The following RBFOX1 variants were observed in gnomAD, a reference collection of about 807,000 sequenced individuals.
The protein encoded by RBFOX1 is RNA binding protein fox-1 homolog 1.
A neutral mutation model predicts 57.7 loss-of-function variants in RBFOX1; 8 were observed. That is an observed-to-expected ratio of 0.14 (90% CI 0.08 to 0.25). RBFOX1 has a LOEUF of 0.25. RBFOX1 is among the 10% of genes least tolerant of loss of function. RBFOX1 has a pLI of 1.00. For missense variants in RBFOX1, 611 were observed against 548.5 expected (o/e 1.11, Z -1.14); for synonymous variants, 326 against 222.4 (o/e 1.47, Z -4.15).
intron 1 of RBFOX1, among the ~76,000 whole-genome samples, chr16:5,386,342 A>G (rs1434253591): frequency 6.6e-6 from 1 of 151,906 alleles, no homozygotes; most frequent in African/African-American, 2.4e-5. Context: ...TCCTGAGAGC[A>G]TTGCATCTCA....
chr16:5,922,101 C>G (rs1000670852), intron 4 of RBFOX1, among the ~76,000 whole-genome samples: 6 of 152,150 alleles, frequency 3.9e-5, no homozygotes, highest in African/African-American at 1.4e-4. Flanking sequence ...GTCGAGGCTG[C>G]AGTGAGCTCT....
At chr16:6,622,460 G>A (rs1442679540) in intron 2 of RBFOX1, among the ~76,000 whole-genome samples, 1 of 152,114 alleles carries the variant, frequency 6.6e-6, no homozygotes, top group Admixed American at 6.5e-5. Flanking sequence ...AGGAGCAATA[G>A]GCTAGACCAT....
intron 11 of RBFOX1, among the ~76,000 whole-genome samples, chr16:7,642,532 G>A (rs113683380): frequency 0.011 from 1,645 of 152,296 alleles, 9 homozygotes; most frequent in Non-Finnish European, 0.017. Flanking sequence ...CCAGCATAAG[G>A]AAGCTAATTT....
chr16:6,790,564 C>G (rs939072671), intron 3 of RBFOX1, among the ~76,000 whole-genome samples: 8 of 152,254 alleles, frequency 5.3e-5, no homozygotes, highest in African/African-American at 1.7e-4. Flanking sequence ...CTCTATTCCC[C>G]CAAACCATTG....
intron 2 of RBFOX1, among the ~76,000 whole-genome samples, chr16:6,545,694 G>C (rs1264584651): frequency 6.6e-6 from 1 of 152,326 alleles, no homozygotes; most frequent in South Asian, 2.1e-4. Flanking sequence ...CATGTTAGTG[G>C]CATTGCTGAA....
chr16:6,036,683 A>G (rs1382077713), intron 1 of RBFOX1, among the ~76,000 whole-genome samples: 1 of 152,178 alleles, frequency 6.6e-6, no homozygotes, highest in Non-Finnish European at 1.5e-5. Context: ...AGAGATAGGG[A>G]CAAATACAAC....
chr16:6,291,620 A>C lies in RBFOX1; in HGVS notation c.-126-25375A>C, dbSNP rs559738461. On this transcript the variant is annotated intron_variant, in intron 1 of 15. Transcript: ENST00000550418. The stretch of plus-strand genomic sequence containing the variant: ...CCCTCACCTCTTGCCCGCCTGAGGC[A>C]AATGCATATCCAATGGCATCCTTTG... Among the ~76,000 whole-genome samples the C allele has an allele frequency of 8.0e-4, 122 of 152,340 alleles. 1 individual carries two copies. The highest frequency in any genetic ancestry group is 3.4e-3 in the Middle Eastern group (1 of 294).
chr16:6,073,398 T>C (rs2095859626), intron 1 of RBFOX1, among the ~76,000 whole-genome samples: 1 of 152,210 alleles, frequency 6.6e-6, no homozygotes, highest in Non-Finnish European at 1.5e-5. Context: ...TACTTCTATC[T>C]CTTAACTTTG....
intron 1 of RBFOX1, among the ~76,000 whole-genome samples, chr16:6,257,670 C>T (rs373597142): frequency 5.3e-5 from 8 of 152,192 alleles, no homozygotes; most frequent in East Asian, 3.9e-4. Flanking sequence ...TGAGACCATG[C>T]GGTATTTGGT....
At chr16:5,352,402 G>T (rs1326794785) in intron 1 of RBFOX1, among the ~76,000 whole-genome samples, 2 of 152,162 alleles carry the variant, frequency 1.3e-5, no homozygotes, top group Admixed American at 6.5e-5. Flanking sequence ...CTGCAGAAAA[G>T]TTGCGGACAT....
intron 1 of RBFOX1, among the ~76,000 whole-genome samples, chr16:5,365,275 T>C (rs996897405): frequency 6.6e-6 from 1 of 152,142 alleles, no homozygotes; most frequent in Non-Finnish European, 1.5e-5. Flanking sequence ...ACTTGGAGTG[T>C]AGATTCTCTT....
chr16:5,763,169 C>A (rs1011989798), intron 3 of RBFOX1, among the ~76,000 whole-genome samples: 2 of 152,212 alleles, frequency 1.3e-5, no homozygotes, highest in African/African-American at 4.8e-5. Context: ...GATTAGAAGT[C>A]CATCGTGATT....
chr16:7,136,063 A>G (rs2071857148), intron 4 of RBFOX1, among the ~76,000 whole-genome samples: 1 of 152,232 alleles, frequency 6.6e-6, no homozygotes. Context: ...CATATTTGTA[A>G]CTGAGCAGAG....
chr16:7,282,919 T>A lies in RBFOX1; in HGVS notation c.27+230821T>A, dbSNP rs563583117. 3.3e-5 allele frequency among the ~76,000 whole-genome samples: 5 copies of A among 152,322 alleles called. No homozygotes were observed. In the South Asian group the frequency reaches 1.0e-3, roughly 32 times the overall value. ...CTGCAACTGCGATTAATTCATTACTTTTTTATGGTTGAGTAGTCCATCATG... is the reference window on the plus strand; with the variant it reads ...CTGCAACTGCGATTAATTCATTACTATTTTATGGTTGAGTAGTCCATCATG... On this transcript the variant is annotated intron_variant, in intron 4 of 15. Transcript: ENST00000550418.
intron 4 of RBFOX1, among the ~76,000 whole-genome samples, chr16:5,915,929 T>A (rs2058694938): frequency 6.6e-6 from 1 of 152,196 alleles, no homozygotes; most frequent in South Asian, 2.1e-4. Flanking sequence ...ACATTGGGAA[T>A]AATGGGGCTT....
chr16:5,737,014 C>T (rs2151579269), intron 3 of RBFOX1, among the ~76,000 whole-genome samples: 1 of 151,576 alleles, frequency 6.6e-6, no homozygotes, highest in East Asian at 2.0e-4. Flanking sequence ...ATCCTCTTTC[C>T]CTCAAGCACC....
At chr16:6,866,324 A>C (rs540444630) in intron 3 of RBFOX1, among the ~76,000 whole-genome samples, 1 of 152,168 alleles carries the variant, frequency 6.6e-6, no homozygotes, top group South Asian at 2.1e-4. Flanking sequence ...ATGATGAAAC[A>C]AGGAAATAGA....
intron 3 of RBFOX1, among the ~76,000 whole-genome samples, chr16:6,754,746 C>T (rs1442378451): frequency 6.6e-6 from 1 of 151,896 alleles, no homozygotes; most frequent in Non-Finnish European, 1.5e-5. Context: ...GGTACATGTG[C>T]ACAATGTGCA....
At chr16:7,341,776 C>CTCTTTCCTTCCT (rs1377056870) in intron 4 of RBFOX1, among the ~76,000 whole-genome samples, 1,608 of 95,188 alleles carry the variant, frequency 0.017, 56 homozygotes, top group African/African-American at 0.057. Flanking sequence ...CCCTCCCTCC[C>CTCTTTCCTTCCT]TCCTTCCTTC....
Sources: allele counts gnomAD v4.1 joint callset (sites outside exome capture counted in the v4.1 genomes callset), GRCh38; gene constraint gnomAD v4.1.1; transcripts MANE v1.5; gene names NCBI Gene and HGNC (gene_info 2026-07-23, HGNC 2026-07-21).